ZNF407: variants seen among roughly 807,000 people sequenced by gnomAD.
ZNF407 encodes zinc finger protein 407.
A neutral mutation model predicts 131.2 loss-of-function variants in ZNF407; 17 were observed. The ratio of observed to expected loss-of-function variants is 0.13; its 90% CI spans 0.09 to 0.19. The LOEUF is 0.19. Ranked by LOEUF, ZNF407 falls within the 10% of genes least tolerant of loss-of-function variation. The pLI is 1.00. For missense variants in ZNF407, 2,681 were observed against 2,830.6 expected, an observed-to-expected ratio of 0.95 and a Z score of 1.20; for synonymous variants, 1,156 against 1,062.0, an observed-to-expected ratio of 1.09 and a Z score of -1.72.
intron 8 of ZNF407, among the ~76,000 whole-genome samples, chr18:75,011,111 T>C (rs1972969455): frequency 6.6e-6 from 1 of 152,216 alleles, no homozygotes; most frequent in South Asian, 2.1e-4. Flanking sequence ...TCTTTGTTAC[T>C]CTTGGCTTGT....
At chr18:74,691,726 G>T (rs1967228293) in intron 3 of ZNF407, among the ~76,000 whole-genome samples, 1 of 152,102 alleles carries the variant, frequency 6.6e-6, no homozygotes, top group Non-Finnish European at 1.5e-5. Context: ...TAGTATTCAA[G>T]ATAATTTTTC....
At chr18:74,688,483 C>G (rs1967147073) in intron 3 of ZNF407, among the ~76,000 whole-genome samples, 1 of 152,166 alleles carries the variant, frequency 6.6e-6, no homozygotes, top group Non-Finnish European at 1.5e-5. Flanking sequence ...CTGTGACTTG[C>G]ATTTGTCTTC....
At chr18:74,838,402 C>T (rs1021292996) in intron 4 of ZNF407, among the ~76,000 whole-genome samples, 1 of 152,160 alleles carries the variant, frequency 6.6e-6, no homozygotes, top group Non-Finnish European at 1.5e-5. Context: ...TACTTGATGT[C>T]GGTGCCTGTG....
intron 3 of ZNF407, among the ~76,000 whole-genome samples, chr18:74,647,847 G>A (rs1328876404): frequency 6.6e-6 from 1 of 152,194 alleles, no homozygotes; most frequent in East Asian, 1.9e-4. Flanking sequence ...AAGGCTGGGA[G>A]GACGAGCTCT....
intron 3 of ZNF407, among the ~76,000 whole-genome samples, chr18:74,773,652 A>T (rs1969407970): frequency 6.6e-6 from 1 of 152,254 alleles, no homozygotes; most frequent in African/African-American, 2.4e-5. Context: ...CATTTACAGT[A>T]ATGTATTTTG....
chr18:74,863,180 C>G (rs1970962031), intron 4 of ZNF407, among the ~76,000 whole-genome samples: 2 of 151,730 alleles, frequency 1.3e-5, no homozygotes, highest in Admixed American at 1.3e-4. Context: ...CTCGGCCTCC[C>G]AAATTGCTGG....
intron 8 of ZNF407, among the ~76,000 whole-genome samples, chr18:74,979,680 C>T (rs1972566670): frequency 6.6e-6 from 1 of 152,094 alleles, no homozygotes; most frequent in South Asian, 2.1e-4. Context: ...GGAAAAAGGA[C>T]ATGATTGAAA....
intron 4 of ZNF407, among the ~76,000 whole-genome samples, chr18:74,835,629 G>GGGT (rs1269272236): frequency 1.1e-3 from 101 of 92,200 alleles, no homozygotes; most frequent in Admixed American, 3.5e-3. Context: ...GACAGAGGGG[G>GGGT]GTGTGTGTGT....
At chr18:74,617,135 C>T (rs1322693092) in intron 1 of ZNF407, among the ~76,000 whole-genome samples, 56 of 1,524 alleles carry the variant, frequency 0.037, no homozygotes, top group Non-Finnish European at 0.089. Flanking sequence ...TCCATATCCA[C>T]ACACCACACA....
chr18:74,899,971 G>C (rs1971501804), intron 7 of ZNF407, among the ~76,000 whole-genome samples: 1 of 152,246 alleles, frequency 6.6e-6, no homozygotes, highest in Non-Finnish European at 1.5e-5. Context: ...GAAAGACAGA[G>C]GGTGGCAGCT....
intron 3 of ZNF407, among the ~76,000 whole-genome samples, chr18:74,768,446 T>C (rs569217182): frequency 5.3e-5 from 8 of 152,254 alleles, no homozygotes; most frequent in Non-Finnish European, 1.0e-4. Flanking sequence ...AATCCCTTTT[T>C]TGGTGGATTT....
rs143018276 is a variant in ZNF407, at chr18:75,026,972, T to C, written c.5429-36178T>C. Among the ~76,000 whole-genome samples the C allele has an allele frequency of 1.6e-4, 24 of 152,300 alleles. No individual in the cohort carries two copies. The East Asian group carries it at 2.7e-3, about 17-fold the overall frequency. On this transcript the variant is annotated intron_variant, in intron 8 of 8. Coordinates refer to ENST00000299687, the MANE Select transcript of ZNF407 (RefSeq NM_017757.3). ...TCATCCTGCCCTCACAGAGCTTGCATTCTACATATGAATAGGTGTAAAATA... is the reference window on the plus strand; with the variant it reads ...TCATCCTGCCCTCACAGAGCTTGCACTCTACATATGAATAGGTGTAAAATA...
chr18:74,813,717 G>A lies in ZNF407; in HGVS notation c.4877+32215G>A, dbSNP rs571828649. Among the ~76,000 whole-genome samples, 36 of 152,192 alleles carry A rather than the reference G, an allele frequency of 2.4e-4. No homozygotes were observed. The South Asian group carries it at 6.2e-3, about 26-fold the overall frequency. ...CTTAGCTCCAAGGGCCCCTTTGTCCGCCTCCTCCTCTAATTCGTCTTGTTC... is the reference window on the plus strand; with the variant it reads ...CTTAGCTCCAAGGGCCCCTTTGTCCACCTCCTCCTCTAATTCGTCTTGTTC... On this transcript the variant is annotated intron_variant, in intron 4 of 8. Coordinates refer to ENST00000299687, the MANE Select transcript of ZNF407 (RefSeq NM_017757.3).
At chr18:74,838,670 C>A (rs1356179605) in intron 4 of ZNF407, among the ~76,000 whole-genome samples, 1 of 152,030 alleles carries the variant, frequency 6.6e-6, no homozygotes, top group Non-Finnish European at 1.5e-5. Context: ...TTTTAATTCA[C>A]AATAATTGGC....
At chr18:74,965,784 T>G (rs1232460677) in intron 8 of ZNF407, among the ~76,000 whole-genome samples, 1 of 152,220 alleles carries the variant, frequency 6.6e-6, no homozygotes. Context: ...CAACACTGTT[T>G]AAGGGCTCCT....
intron 1 of ZNF407, among the ~76,000 whole-genome samples, chr18:74,613,847 T>C (rs1024498670): frequency 6.6e-6 from 1 of 152,220 alleles, no homozygotes; most frequent in Non-Finnish European, 1.5e-5. Flanking sequence ...AATAAGGTAA[T>C]AAGAAGCCTA....
At chr18:74,842,037 G>A (rs1329422002) in intron 4 of ZNF407, among the ~76,000 whole-genome samples, 3 of 152,198 alleles carry the variant, frequency 2.0e-5, no homozygotes, top group Non-Finnish European at 4.4e-5. Flanking sequence ...GATTAAGATA[G>A]CTTAGTCTTA....
chr18:74,663,180 AC>A (rs1349324586), intron 3 of ZNF407, among the ~76,000 whole-genome samples: 3 of 151,968 alleles, frequency 2.0e-5, no homozygotes, highest in African/African-American at 7.3e-5. Flanking sequence ...TGAATGGGGG[AC>A]CTTATAAAGG....
At chr18:74,839,291 A>G (rs1011675327) in intron 4 of ZNF407, among the ~76,000 whole-genome samples, 5 of 152,240 alleles carry the variant, frequency 3.3e-5, no homozygotes, top group Non-Finnish European at 7.3e-5. Context: ...TTTCCTCCAG[A>G]GAAATAGAAC....
Sources: allele counts gnomAD v4.1 joint callset (sites outside exome capture counted in the v4.1 genomes callset), GRCh38; gene constraint gnomAD v4.1.1; transcripts MANE v1.5; gene names NCBI Gene and HGNC (gene_info 2026-07-23, HGNC 2026-07-21).